Variants in MPP7 observed in about 807,000 individuals in gnomAD.
The protein encoded by MPP7 is MAGUK p55 scaffold protein 7.
A neutral mutation model predicts 76.5 loss-of-function variants in MPP7; 60 were observed. The ratio of observed to expected loss-of-function variants is 0.78; its 90% confidence interval spans 0.64 to 0.97. The LOEUF is 0.97. Among genes scored for constraint, MPP7 ranks in the 50% least tolerant of loss-of-function variants. The pLI, the probability that MPP7 is intolerant of heterozygous loss-of-function variation, is 0.00. For missense variants in MPP7, 641 were observed against 694.0 expected, an observed-to-expected ratio of 0.92 and a Z score of 0.86; for synonymous variants, 237 against 244.5, an observed-to-expected ratio of 0.97 and a Z score of 0.29.
chr10:28,215,285 G>A lies in MPP7; in HGVS notation c.38-13014C>T, dbSNP rs188731368. 6.7e-3 allele frequency among the ~76,000 whole-genome samples: 1,013 copies of A among 151,406 alleles called. 5 individuals are homozygous for A. The highest frequency in any genetic ancestry group is 0.011 in the Admixed American group (170 of 15,236). ...GCAATTCCCCTGTCTTGATAAATCA[G>A]TTCTGTCTAGGCAGTGGGCAAGGGA... On this transcript the variant is annotated intron_variant, in intron 2 of 16. Coordinates refer to ENST00000683449, the MANE Select transcript of MPP7 (RefSeq NM_001318170.2).
chr10:28,283,704 G>A (rs1589027382), intron 1 of MPP7, among the ~76,000 whole-genome samples: 1 of 151,872 alleles, frequency 6.6e-6, no homozygotes. Context: ...TAGTAGAGAC[G>A]AGGTTTCTCC....
chr10:28,072,033 G>C (rs1852263815), intron 12 of MPP7, among the ~76,000 whole-genome samples: 1 of 152,184 alleles, frequency 6.6e-6, no homozygotes, highest in Non-Finnish European at 1.5e-5. Flanking sequence ...CAACACTTTG[G>C]GAGGCCGAGG....
chr10:28,095,222 T>C (rs180868395), intron 11 of MPP7, among the ~76,000 whole-genome samples: 51 of 136,684 alleles, frequency 3.7e-4, no homozygotes, highest in East Asian at 1.8e-3. Context: ...TATATATATA[T>C]ACAGAAACAT....
At chr10:28,216,621 T>C (rs1015868580) in intron 2 of MPP7, among the ~76,000 whole-genome samples, 4 of 152,190 alleles carry the variant, frequency 2.6e-5, no homozygotes, top group Non-Finnish European at 5.9e-5. Context: ...AGAAATAATT[T>C]GCACTTTCCT....
chr10:28,052,395 T>C lies in MPP7; in HGVS notation c.*1670A>G, dbSNP rs547263270. 1.3e-5 allele frequency: 2 copies of C among 152,354 alleles called. No individual in the cohort carries two copies. Among genetic ancestry groups the C allele is most frequent in the South Asian group, 4.1e-4 (2 of 4,832 alleles). 9.4% of individuals were successfully genotyped at this position (152,354 alleles called of 1,614,324 possible). On this transcript the variant is annotated 3_prime_UTR_variant, in exon 17 of 17. Transcript: ENST00000683449. ...GAACTCACTGTCTGGATCACGTTGT[T>C]ATATAATACTTAGTCTGATTATCTA...
intron 2 of MPP7, among the ~76,000 whole-genome samples, chr10:28,314,743 A>G (rs926527385): frequency 1.3e-5 from 2 of 152,250 alleles, no homozygotes; most frequent in African/African-American, 4.8e-5. Context: ...CCAAGAAGTT[A>G]CAAACTGAAG....
chr10:28,285,718 T>C (rs550438942), intron 1 of MPP7, among the ~76,000 whole-genome samples: 1 of 152,192 alleles, frequency 6.6e-6, no homozygotes, highest in South Asian at 2.1e-4. Flanking sequence ...ACCTACGAAG[T>C]AGTTTTGCCA....
At chr10:28,309,808 G>T (rs943861962) in intron 2 of MPP7, among the ~76,000 whole-genome samples, 1 of 151,964 alleles carries the variant, frequency 6.6e-6, no homozygotes, top group Non-Finnish European at 1.5e-5. Context: ...AGATCTGGTT[G>T]AGTAAAGTGT....
At chr10:28,184,696 AGACTCT>A (rs1320060328) in intron 3 of MPP7, among the ~76,000 whole-genome samples, 2 of 148,790 alleles carry the variant, frequency 1.3e-5, no homozygotes, top group Non-Finnish European at 3.0e-5. Flanking sequence ...TGATAGAGTG[AGACTCT>A]GTCTCCAAAA....
chr10:28,060,676 G>A (rs999188533), intron 13 of MPP7, among the ~76,000 whole-genome samples: 6 of 152,162 alleles, frequency 3.9e-5, no homozygotes, highest in African/African-American at 9.7e-5. Flanking sequence ...AACTTGGGAC[G>A]GGGGGTAGAA....
rs1376045193 is a variant in MPP7 at position 28,238,659 on chromosome 10, G to A, written c.-55C>T. 1.3e-6 allele frequency: 2 copies of A among 1,590,644 alleles called. No homozygotes were observed. The highest frequency in any genetic ancestry group is 2.2e-5 in the East Asian group (1 of 44,680). ...CCGCTCTCCGGACACCCTGCCTTCG[G>A]ACAGCCACAGGGAATTCCAATTCAA... On this transcript the variant is annotated 5_prime_UTR_variant, in exon 2 of 17. Coordinates refer to ENST00000683449, the MANE Select transcript of MPP7 (RefSeq NM_001318170.2).
At chr10:28,091,076 G>A (rs1853276392) in intron 11 of MPP7, among the ~76,000 whole-genome samples, 1 of 152,056 alleles carries the variant, frequency 6.6e-6, no homozygotes, top group Non-Finnish European at 1.5e-5. Context: ...GAACTCAGGA[G>A]ACAGAGGTTG....
At chr10:28,215,512 G>A (rs777453238) in intron 2 of MPP7, among the ~76,000 whole-genome samples, 4 of 152,176 alleles carry the variant, frequency 2.6e-5, no homozygotes, top group Non-Finnish European at 4.4e-5. Context: ...CAGGGACAGC[G>A]TTCTCGAGGA....
chr10:28,252,665 A>C (rs1453441061), intron 1 of MPP7, among the ~76,000 whole-genome samples: 1 of 148,304 alleles, frequency 6.7e-6, no homozygotes, highest in Non-Finnish European at 1.5e-5. Context: ...AGAGGCGTTA[A>C]AAGGCAACCA....
chr10:28,292,263 C>T (rs754757211), intron 1 of MPP7, among the ~76,000 whole-genome samples: 1 of 152,116 alleles, frequency 6.6e-6, no homozygotes, highest in Non-Finnish European at 1.5e-5. Flanking sequence ...ATGACGAAAT[C>T]ACCTAATGAC....
intron 2 of MPP7, among the ~76,000 whole-genome samples, chr10:28,226,448 T>A (rs998619250): frequency 6.6e-6 from 1 of 152,158 alleles, no homozygotes; most frequent in Non-Finnish European, 1.5e-5. Flanking sequence ...GGTTTCACCA[T>A]GTTGCCCAGG....
chr10:28,319,436 G>C (rs1326365922), intron 2 of MPP7, among the ~76,000 whole-genome samples: 1 of 152,098 alleles, frequency 6.6e-6, no homozygotes, highest in African/African-American at 2.4e-5. Flanking sequence ...CAGCACTTTG[G>C]GAGGCTGAGG....
intron 13 of MPP7, among the ~76,000 whole-genome samples, chr10:28,062,366 G>A (rs1045848011): frequency 6.6e-6 from 1 of 151,728 alleles, no homozygotes; most frequent in Non-Finnish European, 1.5e-5. Flanking sequence ...CTAATCCAGA[G>A]ATACCACCAG....
At chr10:28,234,888 G>T (rs1337879363) in intron 2 of MPP7, among the ~76,000 whole-genome samples, 1 of 152,184 alleles carries the variant, frequency 6.6e-6, no homozygotes, top group Non-Finnish European at 1.5e-5. Context: ...ACTGCTCACT[G>T]CAGCCTACAC....
Sources: gnomAD v4.1 joint callset for allele counts (sites outside exome capture counted in the v4.1 genomes callset) on GRCh38, gnomAD v4.1.1 for gene constraint, MANE v1.5 for transcripts, NCBI Gene and HGNC (gene_info 2026-07-23, HGNC 2026-07-21) for gene names.